Variants in RAD18 observed in about 807,000 individuals in gnomAD.
RAD18 encodes E3 ubiquitin-protein ligase RAD18.
RAD18 carries 47 observed loss-of-function variants against 60.4 expected under a neutral mutation model. The ratio of observed to expected loss-of-function variants is 0.78; its 90% CI spans 0.62 to 0.99. The LOEUF is 0.99. Ranked by LOEUF, RAD18 falls within the 50% of genes least tolerant of loss-of-function variation. The pLI is 0.00. For missense variants in RAD18, 640 were observed against 593.3 expected, an observed-to-expected ratio of 1.08 and a Z score of -0.82; for synonymous variants, 225 against 195.5, an observed-to-expected ratio of 1.15 and a Z score of -1.26.
intron 7 of RAD18, among the ~76,000 whole-genome samples, chr3:8,914,131 T>A (rs1334663134): frequency 6.6e-6 from 1 of 152,202 alleles, no homozygotes; most frequent in East Asian, 1.9e-4. Flanking sequence ...GAGAAAAAGG[T>A]CTACAAATAC....
chr3:8,890,042 T>A (rs1475927758), intron 12 of RAD18: 7 of 274,904 alleles, frequency 2.5e-5, no homozygotes, highest in Non-Finnish European at 5.0e-5. Context: ...TGTGGTGGGC[T>A]ATACCATCTA....
At chr3:8,918,984 T>C (rs1234628179) in intron 7 of RAD18, among the ~76,000 whole-genome samples, 1 of 152,162 alleles carries the variant, frequency 6.6e-6, no homozygotes, top group Non-Finnish European at 1.5e-5. Context: ...GAGAAGAGAA[T>C]ATCAAAGAGA....
chr3:8,951,267 T>G (rs1235944621), intron 2 of RAD18, among the ~76,000 whole-genome samples: 1 of 152,242 alleles, frequency 6.6e-6, no homozygotes, highest in East Asian at 1.9e-4. Flanking sequence ...GAAGCTGTAG[T>G]GGGGGCCTTA....
At chr3:8,921,402 T>C (rs972942851) in intron 7 of RAD18, among the ~76,000 whole-genome samples, 1 of 152,160 alleles carries the variant, frequency 6.6e-6, no homozygotes, top group Non-Finnish European at 1.5e-5. Context: ...CTGTAATCCC[T>C]GCACTTTGGG....
At chr3:8,915,719 G>A (rs958122603) in intron 7 of RAD18, among the ~76,000 whole-genome samples, 1 of 151,994 alleles carries the variant, frequency 6.6e-6, no homozygotes, top group Non-Finnish European at 1.5e-5. Flanking sequence ...GAGTAGCTGG[G>A]ACTACAGGTG....
Position 8,948,535 on chromosome 3 carries a change from T to C in RAD18, c.169A>G (p.Lys57Glu), listed in dbSNP as rs2124838022. The C allele has an allele frequency of 1.9e-6, 3 of 1,613,146 alleles. No individual in the cohort carries two copies. The highest frequency in any genetic ancestry group is 2.2e-5 in the East Asian group (1 of 44,798). ...ACACAGCAAGTTGGACACTGAGTTTTATAGGACAGAAATTTTCTTATACAG... is the reference window on the plus strand; with the variant it reads ...ACACAGCAAGTTGGACACTGAGTTTCATAGGACAGAAATTTTCTTATACAG... Reference protein sequence around the residue: ...SLCIRKFLSYKTQCPTCCVTV... With the variant: ...SLCIRKFLSYETQCPTCCVTV... The change falls in exon 3 of 13, where the codon AAA becomes GAA. Residue 57 changes from lysine (K) to glutamate (E), a missense_variant. Coordinates refer to ENST00000264926, the MANE Select transcript of RAD18 (RefSeq NM_020165.4).
At chr3:8,895,400 GA>G (rs1237946419) in intron 11 of RAD18, among the ~76,000 whole-genome samples, 1 of 152,128 alleles carries the variant, frequency 6.6e-6, no homozygotes, top group Non-Finnish European at 1.5e-5. Flanking sequence ...TCCAACTTAG[GA>G]TATTGTTCCA....
chr3:8,928,618 T>A (rs1453461385), intron 7 of RAD18, among the ~76,000 whole-genome samples: 1 of 152,024 alleles, frequency 6.6e-6, no homozygotes, highest in Non-Finnish European at 1.5e-5. Flanking sequence ...ATTCAAAATA[T>A]AACAAAACTG....
At chr3:8,918,752 C>T (rs908105190) in intron 7 of RAD18, among the ~76,000 whole-genome samples, 2 of 152,168 alleles carry the variant, frequency 1.3e-5, no homozygotes, top group African/African-American at 2.4e-5. Context: ...TAATACTTGA[C>T]CTACCCAAGC....
In RAD18 at chr3:8,963,351, C is replaced by T. The variant is rs1315660388; in HGVS notation, c.35G>A (p.Gly12Asp). The part of the protein sequence containing the change: ...DSLAESRWPP[G>D]LAVMKTIDDL... ...AGCACTCACCTTCATGACTGCCAGG[C>T]CCGGAGGCCACCGAGACTCGGCCAG... Residue 12 changes from glycine to aspartate, a missense_variant, in exon 1 of 13, where the codon GGC becomes GAC. Physicochemically the swap from Gly to Asp is moderately conservative, Grantham distance 94. Transcript: ENST00000264926. 8.1e-6 allele frequency: 13 copies of T among 1,609,772 alleles called. No homozygotes were observed. The highest frequency in any genetic ancestry group is 1.1e-5 in the Non-Finnish European group (13 of 1,178,046).
chr3:8,887,842 A>G (rs1939597022), intron 12 of RAD18, among the ~76,000 whole-genome samples: 1 of 152,176 alleles, frequency 6.6e-6, no homozygotes, highest in Non-Finnish European at 1.5e-5. Context: ...CCCTGCTGGC[A>G]TAAGGAGAGG....
Position 8,912,301 on chromosome 3 carries a change from G to T in RAD18, c.1027+11C>A. On this transcript the variant is annotated intron_variant, in intron 9 of 12. Transcript: ENST00000264926. ...AGCTCTTTACAAATTAAATAAAGTC[G>T]TGCAACTTACGATATTTACTGTGGA... 1 of 1,534,568 alleles carries T rather than the reference G, an allele frequency of 6.5e-7. No homozygotes were observed. The highest frequency in any genetic ancestry group is 8.8e-7 in the Non-Finnish European group (1 of 1,137,924).
chr3:8,935,810 T>C lies in RAD18; in HGVS notation c.889+61A>G, dbSNP rs994144094. On this transcript the variant is annotated intron_variant, in intron 7 of 12. Coordinates refer to ENST00000264926, the MANE Select transcript of RAD18 (RefSeq NM_020165.4). The stretch of plus-strand genomic sequence containing the variant: ...ATATTTTTCTATGGTTTATAATTTC[T>C]GAGCTACACAAAATTGCTTTATCCA... 4.5e-6 allele frequency: 6 copies of C among 1,346,862 alleles called. No individual in the cohort carries two copies. In the Admixed American group the frequency reaches 1.3e-4, roughly 29 times the overall value. The allele number at this position is 1,346,862 out of a possible 1,614,324, so 83.4% of individuals were successfully genotyped here. A position where few individuals can be genotyped will look rare whatever the true frequency, so the allele number is the denominator to read the frequency against.
intron 1 of RAD18, among the ~76,000 whole-genome samples, 177 bp downstream of exon 1, chr3:8,963,158 G>A (rs1411988539): frequency 1.3e-5 from 2 of 152,198 alleles, no homozygotes; most frequent in East Asian, 1.9e-4. Flanking sequence ...CTTATCAGAG[G>A]AGTAAACTGA....
chr3:8,903,195 G>T (rs1162261711), intron 9 of RAD18, among the ~76,000 whole-genome samples: 2 of 152,092 alleles, frequency 1.3e-5, no homozygotes, highest in African/African-American at 4.8e-5. Flanking sequence ...TACAAATATG[G>T]AAACATGATA....
chr3:8,931,725 A>T (rs1250379776), intron 7 of RAD18: 2 of 152,240 alleles, frequency 1.3e-5, no homozygotes, highest in African/African-American at 4.8e-5. Flanking sequence ...TGAAGGACTT[A>T]TACTACCTGA....
At chr3:8,940,157 A>G (rs986558749) in intron 5 of RAD18, among the ~76,000 whole-genome samples, 1 of 152,236 alleles carries the variant, frequency 6.6e-6, no homozygotes, top group Non-Finnish European at 1.5e-5. Context: ...ATGATTCCAT[A>G]TATAATGTTA....
At chr3:8,918,453 C>T (rs566963472) in intron 7 of RAD18, among the ~76,000 whole-genome samples, 107 of 151,454 alleles carry the variant, frequency 7.1e-4, no homozygotes, top group African/African-American at 2.3e-3. Context: ...TTCTTCCAAA[C>T]AAGATGGATT....
intron 7 of RAD18, among the ~76,000 whole-genome samples, chr3:8,919,314 C>T (rs1940267931): frequency 6.6e-6 from 1 of 151,928 alleles, no homozygotes; most frequent in Admixed American, 6.6e-5. Flanking sequence ...ATAAAAAATA[C>T]TCAGAATACA....
Sources: gnomAD v4.1 joint callset for allele counts (sites outside exome capture counted in the v4.1 genomes callset) on GRCh38, gnomAD v4.1.1 for gene constraint, MANE v1.5 for transcripts, NCBI Gene and HGNC (gene_info 2026-07-23, HGNC 2026-07-21) for gene names.